The following CREB5 variants were observed in gnomAD, a reference collection of about 807,000 sequenced individuals.
CREB5 encodes the protein cyclic AMP-responsive element-binding protein 5.
Under a neutral mutation model 57.1 loss-of-function variants are expected in CREB5, and 19 were observed. The ratio of observed to expected loss-of-function variants is 0.33; its 90% CI spans 0.23 to 0.49. The LOEUF (loss-of-function observed/expected upper bound fraction) is 0.49, where lower values mean the gene tolerates loss of function less well. Ranked by LOEUF, CREB5 falls within the 20% of genes least tolerant of loss-of-function variation. CREB5 has a pLI of 0.99. For synonymous variants in CREB5, 238 were observed against 238.3 expected (o/e 1.00, Z 0.01); for missense variants, 579 against 671.6 (o/e 0.86, Z 1.52).
At chr7:28,609,897 T>C (rs886150983) in intron 5 of CREB5, among the ~76,000 whole-genome samples, 1 of 152,130 alleles carries the variant, frequency 6.6e-6, no homozygotes, top group Non-Finnish European at 1.5e-5. Context: ...AGGCCACAGA[T>C]TGTGTGAGTT....
chr7:28,654,496 A>G (rs986365514), intron 5 of CREB5, among the ~76,000 whole-genome samples: 1 of 151,544 alleles, frequency 6.6e-6, no homozygotes, highest in Non-Finnish European at 1.5e-5. Flanking sequence ...CCAACATCAT[A>G]GGCTAGTAGT....
intron 5 of CREB5, among the ~76,000 whole-genome samples, chr7:28,708,336 C>G (rs1387208680): frequency 2.6e-5 from 4 of 152,212 alleles, no homozygotes; most frequent in Admixed American, 1.3e-4. Context: ...GGGCCACCGA[C>G]ACATCCCTCC....
chr7:28,359,710 ATAGATAAATAGGAT>A (rs1239330535), intron 1 of CREB5, among the ~76,000 whole-genome samples: 1 of 152,214 alleles, frequency 6.6e-6, no homozygotes, highest in Non-Finnish European at 1.5e-5. Context: ...GAAAGCAAAA[ATAGATAAATAGGAT>A]TACATCAAAC....
At chr7:28,563,868 G>A (rs1268565187) in intron 4 of CREB5, among the ~76,000 whole-genome samples, 2 of 152,080 alleles carry the variant, frequency 1.3e-5, no homozygotes, top group Non-Finnish European at 2.9e-5. Context: ...GGGAGAGGTG[G>A]CCTGCATGGT....
rs1008150927 is a variant in CREB5 at position 28,782,681 on chromosome 7, A to G, written c.703-21518A>G. ...AGGTATTGGAATGCACGTGTTGGAA[A>G]TATCATCAAAAAGAGCTAACATTAA... On this transcript the variant is annotated intron_variant, in intron 7 of 10. Transcript: ENST00000357727. Among the ~76,000 whole-genome samples, 4 of 152,322 alleles carry G rather than the reference A, an allele frequency of 2.6e-5. No homozygotes were observed. The South Asian group carries it at 8.3e-4, about 32-fold the overall frequency.
At chr7:28,613,312 C>T (rs1368930498) in intron 5 of CREB5, among the ~76,000 whole-genome samples, 2 of 152,196 alleles carry the variant, frequency 1.3e-5, no homozygotes, top group Non-Finnish European at 2.9e-5. Flanking sequence ...AAACTGATGG[C>T]ACTTGCTGAG....
chr7:28,450,600 A>G (rs1267678866), intron 1 of CREB5, among the ~76,000 whole-genome samples: 1 of 152,228 alleles, frequency 6.6e-6, no homozygotes, highest in Admixed American at 6.5e-5. Flanking sequence ...GGATTGCCAC[A>G]GGAGCTGAAT....
Position 28,809,224 on chromosome 7 carries a change from C to T in CREB5, c.1064C>T (p.Thr355Ile). ...ACACAACAGATGCAGCCAACCCAGA[C>T]AATACAGCCACCCCAGCCCACAGGG... ...PATQQMQPTQ[T>I]IQPPQPTGGR... The change falls in exon 9 of 11, where the codon ACA (threonine) becomes ATA (isoleucine). Residue 355 changes from threonine to isoleucine, a missense_variant. Coordinates refer to ENST00000357727, the MANE Select transcript of CREB5 (RefSeq NM_182898.4). 2 of 1,614,010 alleles carry T rather than the reference C, an allele frequency of 1.2e-6. No individual in the cohort carries two copies. Among genetic ancestry groups the T allele is most frequent in the Non-Finnish European group, 1.7e-6 (2 of 1,179,950 alleles).
At chr7:28,304,653 A>T (rs1394984925) in intron 1 of CREB5, among the ~76,000 whole-genome samples, 1 of 152,214 alleles carries the variant, frequency 6.6e-6, no homozygotes, top group African/African-American at 2.4e-5. Context: ...GTCCATAAAA[A>T]GAGAAGCCAC....
chr7:28,565,846 A>G (rs1010064015), intron 4 of CREB5, among the ~76,000 whole-genome samples: 10 of 152,198 alleles, frequency 6.6e-5, no homozygotes, highest in African/African-American at 2.4e-4. Context: ...GCTTGAACCC[A>G]GGAGACAGAG....
At chr7:28,700,066 T>C (rs1203751445) in intron 5 of CREB5, among the ~76,000 whole-genome samples, 7 of 152,228 alleles carry the variant, frequency 4.6e-5, no homozygotes, top group Admixed American at 4.6e-4. Flanking sequence ...CTAGAAAGGA[T>C]TGTTATCATC....
intron 5 of CREB5, chr7:28,686,170 G>A (rs760408910): frequency 8.1e-6 from 13 of 1,613,502 alleles, no homozygotes; most frequent in Middle Eastern, 3.3e-4. Context: ...ACCTCAGGAG[G>A]GAATTCAGCC....
intron 4 of CREB5, among the ~76,000 whole-genome samples, chr7:28,518,570 T>C (rs1283056480): frequency 6.6e-6 from 1 of 152,202 alleles, no homozygotes; most frequent in African/African-American, 2.4e-5. Flanking sequence ...AACAAGCCTT[T>C]GGATAAGGAA....
intron 1 of CREB5, among the ~76,000 whole-genome samples, chr7:28,346,105 A>AT (rs147204579): frequency 4.3e-4 from 65 of 152,304 alleles, no homozygotes; most frequent in African/African-American, 1.4e-3. Flanking sequence ...ATATTTGGGA[A>AT]TGCTCTTGTG....
chr7:28,737,538 CGT>C (rs1491158761), intron 7 of CREB5, among the ~76,000 whole-genome samples: 828 of 47,808 alleles, frequency 0.017, 38 homozygotes, highest in South Asian at 0.046. Context: ...TATATATATA[CGT>C]ATATATATAT....
In CREB5 at chr7:28,570,480, C is replaced by T. The variant is rs555693522; in HGVS notation, c.407C>T (p.Pro136Leu). The stretch of plus-strand genomic sequence containing the variant: ...AACGTTGTGATTCAGCAAGCCATGC[C>T]GTCGCCTCAGTCCAGCTCTGTCATC... ...DTNVVIQQAM[P>L]SPQSSSVITQ... The change falls in exon 5 of 11, where the codon CCG (proline) becomes CTG (leucine). Residue 136 changes from proline to leucine, a missense_variant. Coordinates refer to ENST00000357727, the MANE Select transcript of CREB5 (RefSeq NM_182898.4). 133 of 1,614,134 alleles carry T rather than the reference C, an allele frequency of 8.2e-5. No homozygotes were observed. The highest frequency in any genetic ancestry group is 3.8e-4 in the East Asian group (17 of 44,856).
chr7:28,707,144 G>A (rs983648759), intron 5 of CREB5, among the ~76,000 whole-genome samples: 13 of 152,146 alleles, frequency 8.5e-5, no homozygotes, highest in African/African-American at 2.9e-4. Context: ...ATACCCCTCG[G>A]AGAGGCTGGG....
chr7:28,321,970 G>A (rs562920972), intron 1 of CREB5, among the ~76,000 whole-genome samples: 35 of 152,272 alleles, frequency 2.3e-4, no homozygotes, highest in African/African-American at 8.2e-4. Context: ...GGCTTAAGAT[G>A]TAGAAATTGG....
intron 7 of CREB5, among the ~76,000 whole-genome samples, chr7:28,776,352 G>A (rs7795839): frequency 0.52 from 58,090 of 110,940 alleles, 12,316 homozygotes; most frequent in East Asian, 0.78. Context: ...AAAAAAAAAA[G>A]AAGAAGAAGA....
Sources: gnomAD v4.1 joint callset for allele counts (sites outside exome capture counted in the v4.1 genomes callset) on GRCh38, gnomAD v4.1.1 for gene constraint, MANE v1.5 for transcripts, NCBI Gene and HGNC (gene_info 2026-07-23, HGNC 2026-07-21) for gene names.